The following ATP11B variants were observed in gnomAD, a reference collection of about 807,000 sequenced individuals.
ATP11B encodes the protein phospholipid-transporting ATPase IF.
In ATP11B, 81 loss-of-function variants were observed where a neutral mutation model predicts 157.8. The ratio of observed to expected loss-of-function variants is 0.51; its 90% CI spans 0.43 to 0.62. The LOEUF (loss-of-function observed/expected upper bound fraction) is 0.62. Ranked by LOEUF, ATP11B falls within the 20% of genes least tolerant of loss-of-function variation. The probability of loss-of-function intolerance (pLI) is 0.00; values close to 1 mark genes in which losing one functional copy is unlikely to be tolerated. For synonymous variants in ATP11B, 451 were observed against 469.4 expected (o/e 0.96, Z 0.51); for missense variants, 1,165 against 1,402.2 (o/e 0.83, Z 2.70).
intron 10 of ATP11B, among the ~76,000 whole-genome samples, chr3:182,849,921 A>G (rs534495861): frequency 6.6e-6 from 1 of 151,862 alleles, no homozygotes; most frequent in South Asian, 2.1e-4. Flanking sequence ...CAGGAAAAAT[A>G]TAAAGAAATA....
intron 10 of ATP11B, among the ~76,000 whole-genome samples, chr3:182,852,354 G>GA (rs369504851): frequency 6.6e-5 from 10 of 152,186 alleles, no homozygotes; most frequent in African/African-American, 2.4e-4. Context: ...TGGTATAAGA[G>GA]AAAAAAACTA....
rs542668152 is a variant in ATP11B at position 182,867,110 on chromosome 3, G to A, written c.1620-266G>A. ...CACCTGGCTAATTTTTGTATTTTTAGTAGAGATTGGGTTTCGCCATGTTAG... is the reference window on the plus strand; with the variant it reads ...CACCTGGCTAATTTTTGTATTTTTAATAGAGATTGGGTTTCGCCATGTTAG... On this transcript the variant is annotated intron_variant, in intron 14 of 29. Transcript: ENST00000323116. 2.0e-5 allele frequency among the ~76,000 whole-genome samples: 3 copies of A among 151,312 alleles called. No individual in the cohort carries two copies. In the South Asian group the frequency reaches 6.2e-4, roughly 31 times the overall value.
chr3:182,859,350 G>A lies in ATP11B; in HGVS notation c.1191G>A (p.Glu397=), dbSNP rs1321521502. 1 of 1,583,088 alleles carries A rather than the reference G, an allele frequency of 6.3e-7. No homozygotes were observed. Among genetic ancestry groups the A allele is most frequent in the Admixed American group, 1.8e-5 (1 of 55,422 alleles). Residue 397 remains glutamate (E), a synonymous_variant, in exon 12 of 30, where the codon GAG becomes GAA. Transcript: ENST00000323116. ...TCAATACTTCCGATCTGAATGAAGA[G>A]CTTGGACAGGTGAAAATGATCCTAA... ...AQVNTSDLNE[E]LGQVEYVFTD... is the part of the protein sequence containing the mutation.
At chr3:182,872,693 T>C (rs1721754493) in intron 18 of ATP11B, among the ~76,000 whole-genome samples, 156 bp downstream of exon 18, 1 of 152,254 alleles carries the variant, frequency 6.6e-6, no homozygotes, top group Non-Finnish European at 1.5e-5. Context: ...CCGGTCAGTA[T>C]GTACAATTTT....
chr3:182,913,180 G>C (rs1724912738), intron 28 of ATP11B, among the ~76,000 whole-genome samples: 1 of 152,150 alleles, frequency 6.6e-6, no homozygotes, highest in African/African-American at 2.4e-5. Flanking sequence ...TAAACTGTCA[G>C]CTAACTGTTA....
chr3:182,890,404 A>G (rs1045785782), intron 25 of ATP11B, among the ~76,000 whole-genome samples: 3 of 152,218 alleles, frequency 2.0e-5, no homozygotes, highest in African/African-American at 7.2e-5. Context: ...ACAGATCTTT[A>G]TTGAAGGCCA....
At chr3:182,915,712 C>T (rs1725094120) in intron 29 of ATP11B, 1 of 984,590 alleles carries the variant, frequency 1.0e-6, no homozygotes, top group African/African-American at 1.7e-5. Flanking sequence ...GTAATATGCC[C>T]CCATTATTCT....
At position 182,887,522 on chromosome 3, in the gene ATP11B, G is replaced by A; in HGVS notation, c.2716-64G>A. On this transcript the variant is annotated intron_variant, in intron 23 of 29. Transcript: ENST00000323116. ...AATTTTGTTTTTAATATGCATAGTTGTCATATGCATAATAGTAATGCATAA... is the reference window on the plus strand; with the variant it reads ...AATTTTGTTTTTAATATGCATAGTTATCATATGCATAATAGTAATGCATAA... The A allele has an allele frequency of 2.2e-6, 3 of 1,388,936 alleles. No individual in the cohort carries two copies. In the South Asian group the frequency reaches 4.2e-5, roughly 19 times the overall value. The allele number at this position is 1,388,936 out of a possible 1,614,324, so 86.0% of individuals were successfully genotyped here. A position where few individuals can be genotyped will look rare whatever the true frequency, so the allele number is the denominator to read the frequency against.
intron 1 of ATP11B, among the ~76,000 whole-genome samples, chr3:182,810,979 T>C (rs1296813634): frequency 6.6e-6 from 1 of 152,124 alleles, no homozygotes; most frequent in African/African-American, 2.4e-5. Context: ...TTTTAAAAAA[T>C]CCACATTACC....
rs1725463857 is a variant in ATP11B, at chr3:182,921,225, T to TAAC, written c.*3123_*3125dup. ...TGATATAAGCAGGTATTAATAAAAA[T>TAAC]AACACACCAAAGAGTTACGTAAAAC... On this transcript the variant is annotated 3_prime_UTR_variant, in exon 30 of 30. Coordinates refer to ENST00000323116, the MANE Select transcript of ATP11B (RefSeq NM_014616.3). 6.6e-6 allele frequency: 1 copy of TAAC among 152,232 alleles called. No homozygotes were observed. Among genetic ancestry groups the TAAC allele is most frequent in the Non-Finnish European group, 1.5e-5 (1 of 68,040 alleles). The allele number at this position is 152,232 out of a possible 1,614,324, so 9.4% of individuals were successfully genotyped here.
At chr3:182,903,490 T>C (rs1471825464) in intron 28 of ATP11B, among the ~76,000 whole-genome samples, 1 of 152,182 alleles carries the variant, frequency 6.6e-6, no homozygotes, top group Admixed American at 6.5e-5. Context: ...TAAAACTCTA[T>C]GAGTTCATAA....
chr3:182,811,047 A>C (rs1029445650), intron 1 of ATP11B, among the ~76,000 whole-genome samples: 6 of 150,514 alleles, frequency 4.0e-5, no homozygotes, highest in East Asian at 3.9e-4. Flanking sequence ...AATAAAATCT[A>C]TTTCAGTATG....
intron 28 of ATP11B, among the ~76,000 whole-genome samples, chr3:182,907,604 T>C (rs1724460459): frequency 6.6e-6 from 1 of 152,232 alleles, no homozygotes; most frequent in Admixed American, 6.5e-5. Flanking sequence ...TGTTGCATTG[T>C]GCCTTGCTAT....
chr3:182,877,029 G>A (rs1722092053), intron 19 of ATP11B, among the ~76,000 whole-genome samples: 1 of 152,198 alleles, frequency 6.6e-6, no homozygotes, highest in African/African-American at 2.4e-5. Context: ...GAAAGCTTTA[G>A]TATATATATC....
chr3:182,915,250 C>A, intron 29 of ATP11B: 2 of 985,276 alleles, frequency 2.0e-6, no homozygotes, highest in Non-Finnish European at 2.4e-6. Context: ...CTTATGTTAA[C>A]ATAATGTCTG....
intron 12 of ATP11B, among the ~76,000 whole-genome samples, chr3:182,862,832 C>G (rs1720946510): frequency 6.7e-6 from 1 of 149,702 alleles, no homozygotes; most frequent in South Asian, 2.1e-4. Flanking sequence ...TTTTTTTTAT[C>G]CTCATGGTGA....
chr3:182,839,420 G>A (rs1477435102), intron 7 of ATP11B, among the ~76,000 whole-genome samples: 1 of 151,912 alleles, frequency 6.6e-6, no homozygotes, highest in African/African-American at 2.4e-5. Context: ...ATGTACCCCT[G>A]AACCTAAATG....
At chr3:182,829,623 G>A in intron 3 of ATP11B, 49 bp from the exon 4 acceptor site, 1 of 1,255,250 alleles carries the variant, frequency 8.0e-7, no homozygotes, top group Non-Finnish European at 1.1e-6. Flanking sequence ...ATAGTGTGAT[G>A]TGCACAATAT....
At chr3:182,828,244 A>G (rs1560068495) in intron 3 of ATP11B, 35 bp downstream of exon 3, 2 of 1,008,100 alleles carry the variant, frequency 2.0e-6, no homozygotes. Context: ...GTTTGTAAAC[A>G]TAGTTTCTAA....
Sources: allele counts gnomAD v4.1 joint callset (sites outside exome capture counted in the v4.1 genomes callset), GRCh38; gene constraint gnomAD v4.1.1; transcripts MANE v1.5; gene names NCBI Gene and HGNC (gene_info 2026-07-23, HGNC 2026-07-21).